The following TEP1 variants were observed in gnomAD, a reference collection of about 807,000 sequenced individuals.
TEP1 encodes telomerase protein component 1.
In TEP1, 241 loss-of-function variants were observed where a neutral mutation model predicts 306.3. The observed-to-expected ratio is 0.79, with a 90% CI of 0.71 to 0.88. TEP1 has a LOEUF of 0.88. Ranked by LOEUF, TEP1 falls within the 40% of genes least tolerant of loss-of-function variation. The pLI is 0.00. For synonymous variants in TEP1, 1,289 were observed against 1,305.5 expected (o/e 0.99, Z 0.27); for missense variants, 3,051 against 3,276.1 (o/e 0.93, Z 1.68).
rs748607656 is a variant in TEP1 at position 20,371,625 on chromosome 14, G to A, written c.7084C>T (p.Leu2362=). 1 of 1,572,120 alleles carries A rather than the reference G, an allele frequency of 6.4e-7. No individual in the cohort carries two copies. The highest frequency in any genetic ancestry group is 1.4e-5 in the African/African-American group (1 of 72,206). The stretch of plus-strand genomic sequence containing the variant: ...AAGTCCTCCTGTAGAATTCGGTTCA[G>A]GTGAAGACTAGCTCAAAAAAGTACA... ...GSAPGNLSLH[L]NRILQEDLGV... The change falls in exon 50 of 55, where the codon CTG becomes TTG. Residue 2362 remains leucine (L), a synonymous_variant. Coordinates refer to ENST00000262715, the MANE Select transcript of TEP1 (RefSeq NM_007110.5).
At position 20,368,465 on chromosome 14, in the gene TEP1, C is replaced by T. The variant is rs369644051; in HGVS notation, c.7856G>A (p.Gly2619Asp). ...TTCCCAATTCAGAAAGTACACATTGCCCTGCACGTCTCCCACGGCAAGCTG... is the reference window on the plus strand; with the variant it reads ...TTCCCAATTCAGAAAGTACACATTGTCCTGCACGTCTCCCACGGCAAGCTG... ...TLQLAVGDVQGNVYFLNWE is the reference protein window; with the variant it reads ...TLQLAVGDVQDNVYFLNWE The change falls in exon 55 of 55, where the codon GGC (glycine) becomes GAC (aspartate). Residue 2619 changes from glycine to aspartate, a missense_variant. This residue lies in a region of TEP1 where 1,540 missense variants were observed against 1,705.9 expected (regional missense o/e 0.90). Transcript: ENST00000262715. 6.2e-7 allele frequency: 1 copy of T among 1,614,036 alleles called. No homozygotes were observed. Among genetic ancestry groups the T allele is most frequent in the Non-Finnish European group, 8.5e-7 (1 of 1,180,038 alleles).
chr14:20,405,347 C>T (rs929228801), intron 4 of TEP1, 104 bp downstream of exon 4: 26 of 1,491,572 alleles, frequency 1.7e-5, no homozygotes, highest in Non-Finnish European at 2.4e-5. Flanking sequence ...AGAGAAGCTC[C>T]TCCCACCCCC....
At chr14:20,399,110 C>T (rs544285147) in intron 9 of TEP1, among the ~76,000 whole-genome samples, 60 of 152,306 alleles carry the variant, frequency 3.9e-4, no homozygotes, top group South Asian at 2.5e-3. Context: ...TCAGGCTGGT[C>T]TCAAACTCCT....
Position 20,383,175 on chromosome 14 carries a change from T to A in TEP1, c.4046A>T (p.Gln1349Leu). ...ACCGGCCCCGGCCTAGAACCCAACC[T>A]GGTTGTTAAATGGTGACTCCTCCAG... The part of the protein sequence containing the change: ...KRLEESPFNN[Q>L]MRLLLVKRES... The change falls in exon 27 of 55, where the codon CAG (glutamine) becomes CTG (leucine). Residue 1349 changes from glutamine (Q) to leucine (L), a missense_variant and splice_region_variant. Physicochemically the swap from Gln to Leu is moderately radical, Grantham distance 113. Around this residue, in one of 3 missense-constraint regions of TEP1, gnomAD observed 1,540 missense variants for 1,705.9 expected, o/e 0.90. Transcript: ENST00000262715. 1 of 1,595,778 alleles carries A rather than the reference T, an allele frequency of 6.3e-7. No individual in the cohort carries two copies. Among genetic ancestry groups the A allele is most frequent in the Non-Finnish European group, 8.5e-7 (1 of 1,171,560 alleles).
intron 16 of TEP1, 79 bp downstream of exon 16, chr14:20,389,531 T>C: frequency 1.3e-6 from 2 of 1,581,258 alleles, no homozygotes; most frequent in Non-Finnish European, 8.6e-7. Context: ...AGTGGGAGTG[T>C]CCTATGCTTT....
At position 20,381,707 on chromosome 14, in the gene TEP1, G is replaced by T. The variant is rs1876551982; in HGVS notation, c.4425-21C>A. The T allele has an allele frequency of 6.3e-7, 1 of 1,576,982 alleles. No homozygotes were observed. Among genetic ancestry groups the T allele is most frequent in the African/African-American group, 1.4e-5 (1 of 72,982 alleles). Reference sequence around the variant, plus strand: ...GCAAACTGTCCTCGTGTGAGGAAGGGAGAGAGAAGAAGGAAGAGGCCTGTC... The same window carrying T: ...GCAAACTGTCCTCGTGTGAGGAAGGTAGAGAGAAGAAGGAAGAGGCCTGTC... On this transcript the variant is annotated intron_variant, in intron 30 of 54. Coordinates refer to ENST00000262715, the MANE Select transcript of TEP1 (RefSeq NM_007110.5). This position sits in a 1 kb window ranked among gnomAD's most constrained non-coding sequence, Gnocchi z 4.0.
intron 3 of TEP1, 70 bp from the exon 4 acceptor site, chr14:20,405,655 C>T (rs950499109): frequency 1.0e-5 from 16 of 1,560,494 alleles, no homozygotes; most frequent in Non-Finnish European, 1.4e-5. Flanking sequence ...TCCATGCAGA[C>T]TAACTTACAA....
chr14:20,380,747 G>A (rs1885484259), intron 33 of TEP1, among the ~76,000 whole-genome samples, 184 bp downstream of exon 33: 1 of 152,236 alleles, frequency 6.6e-6, no homozygotes, highest in African/African-American at 2.4e-5. Flanking sequence ...TGGTCCAAGA[G>A]ATCAAGGTGA....
intron 12 of TEP1, among the ~76,000 whole-genome samples, chr14:20,393,203 C>A (rs1431134084): frequency 8.9e-5 from 13 of 146,228 alleles, no homozygotes; most frequent in African/African-American, 2.8e-4. Flanking sequence ...GGCGACAGAG[C>A]AAGACTCGGT....
At position 20,381,898 on chromosome 14, in the gene TEP1, C is replaced by T. The variant is rs1203787778; in HGVS notation, c.4424+15G>A. Reference sequence around the variant, plus strand: ...CACAGAGAGGTCAGCGGGAGCTCTGCTGGGGCACCTGTACCTGCGCAGACT... The same window carrying T: ...CACAGAGAGGTCAGCGGGAGCTCTGTTGGGGCACCTGTACCTGCGCAGACT... On this transcript the variant is annotated intron_variant, in intron 30 of 54. Transcript: ENST00000262715. This position sits in a 1 kb window ranked among gnomAD's most constrained non-coding sequence, Gnocchi z 4.0. 6.2e-7 allele frequency: 1 copy of T among 1,613,136 alleles called. No homozygotes were observed. The highest frequency in any genetic ancestry group is 2.2e-5 in the East Asian group (1 of 44,888).
intron 44 of TEP1, 88 bp downstream of exon 44, chr14:20,374,341 T>C: frequency 2.4e-6 from 2 of 820,464 alleles, no homozygotes; most frequent in Non-Finnish European, 3.7e-6. Context: ...TCATTTTGCC[T>C]CTGGGATTAG....
At chr14:20,380,565 G>T in intron 33 of TEP1, 90 bp from the exon 34 acceptor site, 1 of 1,320,812 alleles carries the variant, frequency 7.6e-7, no homozygotes, top group Non-Finnish European at 1.0e-6. Context: ...GTCTACAATA[G>T]TAAGTCTCAA....
chr14:20,390,555 C>T (rs977749287), intron 15 of TEP1, 126 bp downstream of exon 15: 7 of 865,034 alleles, frequency 8.1e-6, no homozygotes, highest in African/African-American at 3.4e-5. Flanking sequence ...GGGTTGTAGC[C>T]AGTAGAGCTG....
chr14:20,411,100 G>A (rs755019563), intron 1 of TEP1, among the ~76,000 whole-genome samples: 5 of 152,064 alleles, frequency 3.3e-5, no homozygotes, highest in African/African-American at 7.2e-5. Flanking sequence ...GATTACAGGC[G>A]TGAGCCACCG....
At chr14:20,403,567 GC>G in intron 6 of TEP1, 119 bp from the exon 7 acceptor site, 9 of 1,590,436 alleles carry the variant, frequency 5.7e-6, no homozygotes, top group Non-Finnish European at 7.7e-6. Flanking sequence ...AAAGAAGACT[GC>G]CCTGCACCAT....
At chr14:20,411,891 T>A (rs1879704449) in intron 1 of TEP1, among the ~76,000 whole-genome samples, 1 of 151,654 alleles carries the variant, frequency 6.6e-6, no homozygotes, top group Non-Finnish European at 1.5e-5. Flanking sequence ...GGTGGGAGAA[T>A]CACTTGAGGT....
chr14:20,375,314 G>A (rs568743500), intron 43 of TEP1, among the ~76,000 whole-genome samples: 36 of 152,086 alleles, frequency 2.4e-4, no homozygotes, highest in African/African-American at 4.1e-4. Context: ...GTGTCACCAC[G>A]CCTGGCTAAT....
intron 38 of TEP1, 44 bp downstream of exon 38, chr14:20,378,336 T>G (rs1259469825): frequency 6.2e-7 from 1 of 1,613,456 alleles, no homozygotes; most frequent in Non-Finnish European, 8.5e-7. Flanking sequence ...CCTCCACTCC[T>G]GTCCTCCTGT....
Position 20,391,012 on chromosome 14 carries a change from T to C in TEP1, c.2182A>G (p.Thr728Ala). The C allele has an allele frequency of 1.2e-6, 2 of 1,614,066 alleles. No homozygotes were observed. Among genetic ancestry groups the C allele is most frequent in the Non-Finnish European group, 1.7e-6 (2 of 1,180,020 alleles). Residue 728 changes from threonine to alanine, a missense_variant, in exon 14 of 55, where the codon ACT becomes GCT. By Grantham distance (58) the Thr-to-Ala change is moderately conservative. Coordinates refer to ENST00000262715, the MANE Select transcript of TEP1 (RefSeq NM_007110.5). ...GCCTTAAGCACTGCAGTCTTCAGAG[T>C]GTCACCTCCACACAGCACGACGTCC... ...QVDVVLCGGD[T>A]LKTAVLKAEE...
Sources: allele counts gnomAD v4.1 joint callset (sites outside exome capture counted in the v4.1 genomes callset), GRCh38; gene constraint gnomAD v4.1.1; regional missense constraint gnomAD v4.1.1; non-coding constraint Gnocchi (gnomAD v3.1); transcripts MANE v1.5; gene names NCBI Gene and HGNC (gene_info 2026-07-23, HGNC 2026-07-21).